The following PKNOX2 variants were observed in gnomAD, a reference collection of about 807,000 sequenced individuals.
PKNOX2 encodes PBX/knotted 1 homeobox 2, also known as homeobox protein PKNOX2.
Under a neutral mutation model 53.1 loss-of-function variants are expected in PKNOX2, and 14 were observed. The observed-to-expected ratio is 0.26, with a 90% confidence interval of 0.17 to 0.41. The LOEUF (loss-of-function observed/expected upper bound fraction) is 0.41, where lower values mean the gene tolerates loss of function less well. Among genes scored for constraint, PKNOX2 ranks in the 10% least tolerant of loss-of-function variants. PKNOX2 has a pLI of 1.00. For missense variants in PKNOX2, 496 were observed against 602.8 expected, an observed-to-expected ratio of 0.82 and a Z score of 1.85; for synonymous variants, 257 against 242.8, an observed-to-expected ratio of 1.06 and a Z score of -0.54.
At chr11:125,334,594 T>G (rs12362421) in intron 3 of PKNOX2, among the ~76,000 whole-genome samples, 24,781 of 148,528 alleles carry the variant, frequency 0.17, 3,867 homozygotes, top group African/African-American at 0.41. Flanking sequence ...TTCGTTTTTT[T>G]TTTTTTTTCT....
At chr11:125,259,297 T>C (rs990299733) in intron 2 of PKNOX2, among the ~76,000 whole-genome samples, 3 of 152,230 alleles carry the variant, frequency 2.0e-5, no homozygotes, top group African/African-American at 7.2e-5. Flanking sequence ...TTAAGACGCA[T>C]GTTAGACACC....
intron 2 of PKNOX2, among the ~76,000 whole-genome samples, chr11:125,276,638 A>G (rs1191217168): frequency 6.6e-6 from 1 of 152,182 alleles, no homozygotes; most frequent in Non-Finnish European, 1.5e-5. Context: ...TCTGTATGAA[A>G]TATACTGCAA....
intron 2 of PKNOX2, among the ~76,000 whole-genome samples, chr11:125,294,060 G>A (rs932674474): frequency 9.9e-5 from 15 of 152,214 alleles, no homozygotes; most frequent in African/African-American, 3.4e-4. Flanking sequence ...TGCCACTAAT[G>A]TTATAATAAT....
At chr11:125,264,190 G>A (rs548600873) in intron 2 of PKNOX2, among the ~76,000 whole-genome samples, 52 of 152,300 alleles carry the variant, frequency 3.4e-4, no homozygotes, top group Middle Eastern at 3.4e-3. Context: ...CCATTTTCTG[G>A]ATAAGGAACC....
At chr11:125,265,546 C>T (rs1392378727) in intron 2 of PKNOX2, among the ~76,000 whole-genome samples, 3 of 152,222 alleles carry the variant, frequency 2.0e-5, no homozygotes, top group Non-Finnish European at 4.4e-5. Context: ...TTCTCTGCCC[C>T]ATGGCCTCTG....
At chr11:125,418,046 A>G (rs1955983437) in intron 10 of PKNOX2, among the ~76,000 whole-genome samples, 1 of 152,066 alleles carries the variant, frequency 6.6e-6, no homozygotes. Context: ...TGTGGAATTC[A>G]GTGGCTTTTA....
intron 1 of PKNOX2, among the ~76,000 whole-genome samples, chr11:125,202,052 A>AGGGTCCGTGC (rs1293717444): frequency 1.3e-5 from 2 of 152,160 alleles, no homozygotes; most frequent in Non-Finnish European, 2.9e-5. Flanking sequence ...GAAAACACAG[A>AGGGTCCGTGC]GGGTCCGTGC....
intron 6 of PKNOX2, among the ~76,000 whole-genome samples, chr11:125,392,846 C>T (rs369733676): frequency 2.6e-5 from 4 of 152,034 alleles, no homozygotes; most frequent in South Asian, 4.2e-4. Flanking sequence ...TAAGGAATGA[C>T]GATCGTTTTT....
chr11:125,220,850 G>A (rs898042407), intron 1 of PKNOX2, among the ~76,000 whole-genome samples: 1 of 152,158 alleles, frequency 6.6e-6, no homozygotes, highest in African/African-American at 2.4e-5. Flanking sequence ...TCCTACATTC[G>A]CCACTGGGTC....
chr11:125,343,088 C>T (rs933957382), intron 3 of PKNOX2, among the ~76,000 whole-genome samples: 1 of 151,936 alleles, frequency 6.6e-6, no homozygotes, highest in Non-Finnish European at 1.5e-5. Flanking sequence ...CCCAGGGCAG[C>T]AGCTGTGGCC....
At chr11:125,423,608 G>A (rs1298546249) in intron 10 of PKNOX2, among the ~76,000 whole-genome samples, 1 of 152,194 alleles carries the variant, frequency 6.6e-6, no homozygotes, top group Non-Finnish European at 1.5e-5. Flanking sequence ...TGGTGCTAGT[G>A]AGGTAGGGTT....
intron 5 of PKNOX2, among the ~76,000 whole-genome samples, chr11:125,378,275 G>A (rs1046833112): frequency 5.9e-5 from 9 of 152,246 alleles, no homozygotes; most frequent in African/African-American, 2.2e-4. Flanking sequence ...ACCGATCCCT[G>A]CGTGCCCCAC....
chr11:125,180,855 C>T (rs1396355408), intron 1 of PKNOX2, among the ~76,000 whole-genome samples: 2 of 152,156 alleles, frequency 1.3e-5, no homozygotes, highest in East Asian at 3.8e-4. Flanking sequence ...ATACTTCTCT[C>T]CCACGAGGTA....
intron 3 of PKNOX2, among the ~76,000 whole-genome samples, chr11:125,349,028 T>A (rs1482030308): frequency 2.6e-5 from 4 of 152,142 alleles, no homozygotes; most frequent in Non-Finnish European, 5.9e-5. Flanking sequence ...CGGGAAGAGA[T>A]TCCACCATCC....
At chr11:125,302,222 C>G (rs1186961252) in intron 2 of PKNOX2, among the ~76,000 whole-genome samples, 1 of 152,176 alleles carries the variant, frequency 6.6e-6, no homozygotes, top group African/African-American at 2.4e-5. Context: ...GCAAAGAGAA[C>G]AGAGCAGGTG....
intron 1 of PKNOX2, among the ~76,000 whole-genome samples, chr11:125,205,056 C>A (rs952873517): frequency 6.6e-6 from 1 of 152,248 alleles, no homozygotes; most frequent in African/African-American, 2.4e-5. Context: ...CAGAACCCAG[C>A]ATCGTGCTGA....
chr11:125,433,056 C>CCAAT lies in PKNOX2; in HGVS notation c.*1667_*1670dup, dbSNP rs1956771256. 1 of 152,632 alleles carries CCAAT rather than the reference C, an allele frequency of 6.6e-6. No individual in the cohort carries two copies. The highest frequency in any genetic ancestry group is 1.9e-4 in the East Asian group (1 of 5,198). The allele number at this position is 152,632 out of a possible 1,614,324, so 9.5% of individuals were successfully genotyped here. A position where few individuals can be genotyped will look rare whatever the true frequency, so the allele number is the denominator to read the frequency against. On this transcript the variant is annotated 3_prime_UTR_variant, in exon 13 of 13. Coordinates refer to ENST00000298282, the MANE Select transcript of PKNOX2 (RefSeq NM_001382323.2). ...TAACCTTATTTATAATCTGGGTGAT[C>CCAAT]CAATCATTTTTTACTCCCTTTTGAT...
intron 2 of PKNOX2, among the ~76,000 whole-genome samples, chr11:125,257,662 G>C (rs575193158): frequency 6.6e-6 from 1 of 152,326 alleles, no homozygotes; most frequent in Non-Finnish European, 1.5e-5. Context: ...GGATGAAAAG[G>C]GATGACGTTT....
chr11:125,365,649 A>G (rs949726571), intron 4 of PKNOX2, among the ~76,000 whole-genome samples: 1 of 152,210 alleles, frequency 6.6e-6, no homozygotes, highest in Non-Finnish European at 1.5e-5. Flanking sequence ...GAATAAGAGG[A>G]TAAGGAGGAA....
Sources: allele counts gnomAD v4.1 joint callset (sites outside exome capture counted in the v4.1 genomes callset), GRCh38; gene constraint gnomAD v4.1.1; transcripts MANE v1.5; gene names NCBI Gene and HGNC (gene_info 2026-07-23, HGNC 2026-07-21).